BAZ2A: variants seen among roughly 807,000 people sequenced by gnomAD.
The protein encoded by BAZ2A is bromodomain adjacent to zinc finger domain protein 2A.
A neutral mutation model predicts 199.9 loss-of-function variants in BAZ2A; 34 were observed. The observed-to-expected ratio is 0.17, with a 90% CI of 0.13 to 0.23. BAZ2A has a LOEUF of 0.23. Among genes scored for constraint, BAZ2A ranks in the 10% least tolerant of loss-of-function variants. The pLI, the probability that BAZ2A is intolerant of heterozygous loss-of-function variation, is 1.00. For missense variants in BAZ2A, 2,002 were observed against 2,391.1 expected, an observed-to-expected ratio of 0.84 and a Z score of 3.39; for synonymous variants, 857 against 883.9, an observed-to-expected ratio of 0.97 and a Z score of 0.54.
chr12:56,612,212 A>G lies in BAZ2A; in HGVS notation c.1170T>C (p.Ala390=), dbSNP rs763202881. The G allele has an allele frequency of 2.5e-5, 40 of 1,613,634 alleles. No homozygotes were observed. The highest frequency in any genetic ancestry group is 2.7e-5 in the African/African-American group (2 of 74,826). The part of the protein sequence containing the change: ...NSFDLNNGSD[A]EQEEMETQSS... ...ATTGAGTTTCCATTTCTTCCTGTTC[A>G]GCGTCACTACCATTATTCAGGTCAA... Residue 390 remains alanine (A), a synonymous_variant, in exon 6 of 29, where the codon GCT becomes GCC. Transcript: ENST00000549884.
In BAZ2A at chr12:56,601,779, G is replaced by A. The variant is rs1886508283; in HGVS notation, c.3838C>T (p.Leu1280=). The A allele has an allele frequency of 1.2e-6, 2 of 1,613,882 alleles. No individual in the cohort carries two copies. Among genetic ancestry groups the A allele is most frequent in the Non-Finnish European group, 1.7e-6 (2 of 1,179,896 alleles). ...WLSQTQSHSS[L]LSSSVLTPDS... is the part of the protein sequence containing the mutation. Reference sequence around the variant, plus strand: ...GGTGTGAGGACTGAGCTGCTCAACAGGGAGCTATGGCTCTGAGTCTGGCTC... The same window carrying A: ...GGTGTGAGGACTGAGCTGCTCAACAAGGAGCTATGGCTCTGAGTCTGGCTC... Residue 1280 remains leucine (L), a synonymous_variant, in exon 20 of 29, where the codon CTG becomes TTG. Transcript: ENST00000549884.
intron 13 of BAZ2A, 57 bp downstream of exon 13, chr12:56,605,773 T>C: frequency 1.3e-6 from 2 of 1,499,900 alleles, no homozygotes; most frequent in Non-Finnish European, 1.8e-6. Flanking sequence ...TCCTTTTTTT[T>C]TTTTTAAAGG....
chr12:56,613,291 G>A (rs1230096628), intron 4 of BAZ2A, 58 bp from the exon 5 acceptor site: 4 of 1,534,968 alleles, frequency 2.6e-6, no homozygotes, highest in Non-Finnish European at 2.7e-6. Context: ...CAGAAAGCAA[G>A]ATTTAAGAAA....
Position 56,600,024 on chromosome 12 carries a change from C to T in BAZ2A, c.4965G>A (p.Val1655=), listed in dbSNP as rs747816384. The T allele has an allele frequency of 2.5e-6, 4 of 1,613,966 alleles. No individual in the cohort carries two copies. In the African/African-American group the frequency reaches 5.3e-5, roughly 22 times the overall value. ...TCTCCAGCTGGCCCAGGCACAAGCACACCTGGGCTGCGCTCCGGCACCGCT... is the reference window on the plus strand; with the variant it reads ...TCTCCAGCTGGCCCAGGCACAAGCATACCTGGGCTGCGCTCCGGCACCGCT... ...TLERCRSAAQ[V]CLCLGQLERS... Residue 1655 remains valine (V), a synonymous_variant, in exon 25 of 29, where the codon GTG becomes GTA. Transcript: ENST00000549884.
chr12:56,595,824 C>T lies in BAZ2A; in HGVS notation c.*2794G>A, dbSNP rs144260932. ...ACACAGAGGGTATGGAACAGGAGCC[C>T]CTGTTGTTCCCTTGCCTGTGGTCTC... On this transcript the variant is annotated 3_prime_UTR_variant, in exon 29 of 29. Transcript: ENST00000549884. 0.011 allele frequency: 1,660 copies of T among 152,608 alleles called. 19 individuals are homozygous for T. The highest frequency in any genetic ancestry group is 0.048 in the Middle Eastern group (14 of 294). The allele number at this position is 152,608 out of a possible 1,614,324, so 9.5% of individuals were successfully genotyped here.
chr12:56,608,867 CTTT>C (rs67765071), intron 10 of BAZ2A, among the ~76,000 whole-genome samples: 12 of 69,902 alleles, frequency 1.7e-4, no homozygotes, highest in African/African-American at 5.5e-4. Context: ...CCGTGCCTGG[CTTT>C]TTTTTTTTTT....
intron 18 of BAZ2A, 149 bp from the exon 19 acceptor site, chr12:56,603,006 G>C: frequency 9.4e-7 from 1 of 1,066,092 alleles, no homozygotes; most frequent in Middle Eastern, 3.1e-4. Flanking sequence ...GATTAAGTTT[G>C]GGAGCGGTGG....
At chr12:56,615,854 C>G (rs1012215002) in intron 2 of BAZ2A, among the ~76,000 whole-genome samples, 1 of 152,096 alleles carries the variant, frequency 6.6e-6, no homozygotes, top group East Asian at 1.9e-4. Flanking sequence ...CCATGAGAGC[C>G]ACCAGCAGAG....
intron 26 of BAZ2A, 25 bp downstream of exon 26, chr12:56,599,677 G>A (rs754249574): frequency 6.2e-7 from 1 of 1,612,230 alleles, no homozygotes; most frequent in Admixed American, 1.7e-5. Context: ...GTTTGAGTGT[G>A]GGAAAGAAAG....
chr12:56,633,598 C>T (rs1465183923), upstream of BAZ2A, among the ~76,000 whole-genome samples: 3 of 152,098 alleles, frequency 2.0e-5, no homozygotes, highest in Admixed American at 6.5e-5. Context: ...GGCTCTTAGC[C>T]GGGTAACCAT....
upstream of BAZ2A, chr12:56,636,426 AGAGG>A: frequency 7.5e-7 from 1 of 1,341,736 alleles, no homozygotes; most frequent in Non-Finnish European, 9.7e-7. Flanking sequence ...CTGGGTGGAG[AGAGG>A]GAGGAGGCGA....
intron 6 of BAZ2A, 40 bp from the exon 7 acceptor site, chr12:56,611,673 A>C (rs1264690166): frequency 5.1e-6 from 8 of 1,571,310 alleles, no homozygotes; most frequent in Non-Finnish European, 6.9e-6. Flanking sequence ...GTTCAAGCAA[A>C]ATATTTAAAC....
Position 56,612,000 on chromosome 12 carries a change from G to A in BAZ2A, c.1382C>T (p.Pro461Leu). Residue 461 changes from proline to leucine, a missense_variant, in exon 6 of 29, where the codon CCA becomes CTA. By Grantham distance (98) the Pro-to-Leu change is moderately conservative. This residue lies in a region of BAZ2A where 641 missense variants were observed against 694.5 expected (regional missense o/e 0.92). Coordinates refer to ENST00000549884, the MANE Select transcript of BAZ2A (RefSeq NM_001300905.2). The stretch of plus-strand genomic sequence containing the variant: ...TGGAGAGACCACTGAGAAGACTGCT[G>A]GAGAGACAACTGTAGAAGCTGCGGG... Reference protein sequence around the residue: ...VCPAASTVVSPAVFSVVSPAS... With the variant: ...VCPAASTVVSLAVFSVVSPAS... 6.2e-7 allele frequency: 1 copy of A among 1,613,724 alleles called. No individual in the cohort carries two copies. Among genetic ancestry groups the A allele is most frequent in the South Asian group, 1.1e-5 (1 of 91,002 alleles).
chr12:56,602,062 C>G lies in BAZ2A; in HGVS notation c.3555G>C (p.Arg1185=). Residue 1185 remains arginine (R), a synonymous_variant, in exon 20 of 29, where the codon CGG becomes CGC. Coordinates refer to ENST00000549884, the MANE Select transcript of BAZ2A (RefSeq NM_001300905.2). ...TAGTTTTTCGAGGTCGGCCTCGGGCCCGGGCAGGAGAACTGGCAGTGGTGT... is the reference window on the plus strand; with the variant it reads ...TAGTTTTTCGAGGTCGGCCTCGGGCGCGGGCAGGAGAACTGGCAGTGGTGT... ...GSNTTASSPA[R]ARGRPRKTKP... is the part of the protein sequence containing the mutation. The G allele has an allele frequency of 6.4e-7, 1 of 1,562,726 alleles. No individual in the cohort carries two copies. Among genetic ancestry groups the G allele is most frequent in the Non-Finnish European group, 8.7e-7 (1 of 1,153,070 alleles).
chr12:56,607,587 G>A (rs973352550), intron 10 of BAZ2A, among the ~76,000 whole-genome samples: 7 of 152,228 alleles, frequency 4.6e-5, no homozygotes, highest in African/African-American at 1.4e-4. Flanking sequence ...TAGCCATGAC[G>A]GTCTTGATTG....
upstream of BAZ2A, among the ~76,000 whole-genome samples, chr12:56,632,759 T>C (rs542235372): frequency 2.4e-4 from 37 of 152,204 alleles, no homozygotes; most frequent in Non-Finnish European, 5.1e-4. Flanking sequence ...CCCCACCTCA[T>C]CTCATCTAAT....
chr12:56,625,910 A>G (rs1246792147), intron 1 of BAZ2A, among the ~76,000 whole-genome samples: 2 of 151,574 alleles, frequency 1.3e-5, no homozygotes, highest in Admixed American at 6.6e-5. Flanking sequence ...ACAACAAAAA[A>G]CTTCTTCCTT....
intron 7 of BAZ2A, 116 bp downstream of exon 7, chr12:56,611,457 T>G: frequency 9.9e-7 from 1 of 1,013,458 alleles, no homozygotes; most frequent in South Asian, 1.4e-5. Flanking sequence ...TCCTGTAATC[T>G]ACTCTTGTCT....
chr12:56,605,355 T>C (rs1434343620), intron 13 of BAZ2A, 28 bp from the exon 14 acceptor site: 3 of 1,576,288 alleles, frequency 1.9e-6, no homozygotes, highest in Non-Finnish European at 1.7e-6. Context: ...AGTAGAGAGT[T>C]CTGTTAAACA....
Sources: gnomAD v4.1 joint callset for allele counts (sites outside exome capture counted in the v4.1 genomes callset) on GRCh38, gnomAD v4.1.1 for gene constraint, gnomAD v4.1.1 regional missense constraint, MANE v1.5 for transcripts, NCBI Gene and HGNC (gene_info 2026-07-23, HGNC 2026-07-21) for gene names.